Variants in TECRL observed in about 807,000 individuals in gnomAD.
TECRL encodes trans-2,3-enoyl-CoA reductase-like.
TECRL carries 63 observed loss-of-function variants against 52.8 expected under a neutral mutation model. The ratio of observed to expected loss-of-function variants is 1.19; its 90% CI spans 0.97 to 1.47. TECRL has a LOEUF of 1.47. Among genes scored for constraint, TECRL ranks in the 40% most tolerant of loss-of-function variants. The pLI, the probability that TECRL is intolerant of heterozygous loss-of-function variation, is 0.00. For missense variants in TECRL, 482 were observed against 429.6 expected (o/e 1.12, Z -1.08); for synonymous variants, 164 against 141.9 (o/e 1.16, Z -1.10).
intron 1 of TECRL, among the ~76,000 whole-genome samples, chr4:64,403,606 C>T (rs1724511180): frequency 6.6e-6 from 1 of 151,900 alleles, no homozygotes; most frequent in Non-Finnish European, 1.5e-5. Context: ...GGAAAGCCTT[C>T]CTGTTCCATA....
intron 4 of TECRL, among the ~76,000 whole-genome samples, chr4:64,316,415 T>C (rs1717497566): frequency 1.3e-5 from 2 of 152,126 alleles, no homozygotes; most frequent in South Asian, 4.1e-4. Context: ...ATGAATAATA[T>C]GTCCTGAAAG....
intron 1 of TECRL, among the ~76,000 whole-genome samples, chr4:64,388,772 T>A (rs145885893): frequency 0.011 from 1,681 of 152,022 alleles, 36 homozygotes; most frequent in African/African-American, 0.038. Context: ...AGTATTTTAA[T>A]TTTTATTAGT....
chr4:64,279,350 T>C lies in TECRL; in HGVS notation c.*722A>G, dbSNP rs1245549955. On this transcript the variant is annotated 3_prime_UTR_variant, in exon 12 of 12. Coordinates refer to ENST00000381210, the MANE Select transcript of TECRL (RefSeq NM_001010874.5). ...TCTCTGTAGCCTTGAACGCCTGAGC[T>C]GGAGCAACCTCGAGTAGCTGGGACT... The C allele has an allele frequency of 6.6e-6, 1 of 152,144 alleles. No individual in the cohort carries two copies. The highest frequency in any genetic ancestry group is 2.4e-5 in the African/African-American group (1 of 41,442). 9.4% of individuals were successfully genotyped at this position (152,144 alleles called of 1,614,324 possible).
intron 11 of TECRL, 30 bp from the exon 12 acceptor site, chr4:64,280,229 C>G: frequency 7.4e-7 from 1 of 1,350,694 alleles, no homozygotes; most frequent in South Asian, 1.5e-5. Context: ...ATTATTATTT[C>G]TTTCTTATTT....
At chr4:64,364,384 G>A (rs115776837) in intron 2 of TECRL, among the ~76,000 whole-genome samples, 5,165 of 152,062 alleles carry the variant, frequency 0.034, 126 homozygotes, top group Non-Finnish European at 0.055. Flanking sequence ...TCCAAAGCTA[G>A]TAGGCAGAAA....
chr4:64,295,939 TCC>T (rs1271698699), intron 8 of TECRL, among the ~76,000 whole-genome samples: 2 of 151,998 alleles, frequency 1.3e-5, no homozygotes, highest in African/African-American at 4.8e-5. Context: ...AAAAATTGAT[TCC>T]TGTGTATGTT....
chr4:64,348,392 C>T (rs903695929), intron 2 of TECRL, among the ~76,000 whole-genome samples: 1 of 152,174 alleles, frequency 6.6e-6, no homozygotes, highest in African/African-American at 2.4e-5. Context: ...CCGCCCTCAA[C>T]ATGTGAGGAC....
At chr4:64,382,191 GTATATA>G (rs200934355) in intron 1 of TECRL, among the ~76,000 whole-genome samples, 664 of 13,070 alleles carry the variant, frequency 0.051, 1 homozygote, top group South Asian at 0.17. Flanking sequence ...GGAAATTTCT[GTATATA>G]TATATATATA....
Position 64,289,024 on chromosome 4 carries a change from G to C in TECRL, c.832+686C>G, listed in dbSNP as rs537347615. Among the ~76,000 whole-genome samples, 232 of 152,002 alleles carry C rather than the reference G, an allele frequency of 1.5e-3. 2 individuals carry two copies. The highest frequency in any genetic ancestry group is 3.4e-3 in the Middle Eastern group (1 of 294). ...GGGAAGATGCTTCCACGATCAGCAG[G>C]GGGTAGAAAATGCTTTTCAAGAGTT... On this transcript the variant is annotated intron_variant, in intron 9 of 11. Transcript: ENST00000381210.
chr4:64,311,157 G>C (rs1024085466), intron 5 of TECRL, among the ~76,000 whole-genome samples: 31 of 152,178 alleles, frequency 2.0e-4, no homozygotes, highest in African/African-American at 6.3e-4. Flanking sequence ...GGTACGAGTA[G>C]GGTGACTTTA....
rs1376492012 is a variant in TECRL, at chr4:64,278,221, A to G, written c.*1851T>C. 1 of 151,758 alleles carries G rather than the reference A, an allele frequency of 6.6e-6. No individual in the cohort carries two copies. The highest frequency in any genetic ancestry group is 2.4e-5 in the African/African-American group (1 of 41,424). 9.4% of individuals were successfully genotyped at this position (151,758 alleles called of 1,614,324 possible). A position where few individuals can be genotyped will look rare whatever the true frequency, so the allele number is the denominator to read the frequency against. ...TCTACAGAAAATATTTTAATTGTAA[A>G]TTTCAGTATGATAACATACAATGTC... On this transcript the variant is annotated 3_prime_UTR_variant, in exon 12 of 12. Transcript: ENST00000381210.
chr4:64,346,423 G>A (rs1424976477), intron 2 of TECRL, among the ~76,000 whole-genome samples: 2 of 152,204 alleles, frequency 1.3e-5, no homozygotes, highest in African/African-American at 4.8e-5. Flanking sequence ...AGACATCCGG[G>A]GGTTTCCATA....
At chr4:64,315,077 T>C (rs1717401108) in intron 4 of TECRL, among the ~76,000 whole-genome samples, 1 of 152,122 alleles carries the variant, frequency 6.6e-6, no homozygotes, top group South Asian at 2.1e-4. Context: ...ATTTGCCCAG[T>C]CCAATACACA....
At chr4:64,395,890 T>C (rs1410949781) in intron 1 of TECRL, among the ~76,000 whole-genome samples, 2 of 152,154 alleles carry the variant, frequency 1.3e-5, no homozygotes, top group African/African-American at 2.4e-5. Context: ...ATGTAATCAA[T>C]GTTTAGATCC....
At chr4:64,323,637 T>C (rs1313930389) in intron 3 of TECRL, among the ~76,000 whole-genome samples, 1 of 152,174 alleles carries the variant, frequency 6.6e-6, no homozygotes. Flanking sequence ...TTAATCCAGC[T>C]GGAGCTGATG....
intron 2 of TECRL, among the ~76,000 whole-genome samples, chr4:64,331,450 A>G (rs150276594): frequency 6.6e-6 from 1 of 152,232 alleles, no homozygotes; most frequent in African/African-American, 2.4e-5. Flanking sequence ...AAAACCCTCA[A>G]GTAGGTAAAC....
Position 64,281,099 on chromosome 4 carries a change from A to G in TECRL, c.919-13T>C. 2 of 1,589,706 alleles carry G rather than the reference A, an allele frequency of 1.3e-6. No individual in the cohort carries two copies. Among genetic ancestry groups the G allele is most frequent in the South Asian group, 2.3e-5 (2 of 86,832 alleles). On this transcript the variant is annotated splice_polypyrimidine_tract_variant and intron_variant, in intron 10 of 11. Transcript: ENST00000381210. Reference sequence around the variant, plus strand: ...TCCATGATCCAATCTGTTATATTAAAACTTAAATTAGCACATACATAAATG... The same window carrying G: ...TCCATGATCCAATCTGTTATATTAAGACTTAAATTAGCACATACATAAATG...
intron 2 of TECRL, among the ~76,000 whole-genome samples, chr4:64,333,955 C>A (rs71610743): frequency 1.7e-5 from 2 of 114,764 alleles, no homozygotes; most frequent in Admixed American, 9.6e-5. Context: ...ACCCGGGAGG[C>A]GGAGCTTGCA....
At chr4:64,405,031 T>C (rs1000878225) in intron 1 of TECRL, among the ~76,000 whole-genome samples, 2 of 145,372 alleles carry the variant, frequency 1.4e-5, no homozygotes, top group African/African-American at 5.7e-5. Context: ...AATCTGATAT[T>C]TTTGTGCTTA....
Sources: gnomAD v4.1 joint callset for allele counts (sites outside exome capture counted in the v4.1 genomes callset) on GRCh38, gnomAD v4.1.1 for gene constraint, MANE v1.5 for transcripts, NCBI Gene and HGNC (gene_info 2026-07-23, HGNC 2026-07-21) for gene names.